TMPRSS15: variants seen among roughly 807,000 people sequenced by gnomAD.
TMPRSS15 encodes the protein enteropeptidase.
A neutral mutation model predicts 125.3 loss-of-function variants in TMPRSS15; 128 were observed. The ratio of observed to expected loss-of-function variants is 1.02; its 90% confidence interval spans 0.89 to 1.18. The LOEUF is 1.18. TMPRSS15 is among the 50% of genes most tolerant of loss of function. TMPRSS15 has a pLI of 0.00. For missense variants in TMPRSS15, 1,283 were observed against 1,212.7 expected (o/e 1.06, Z -0.86); for synonymous variants, 446 against 423.2 (o/e 1.05, Z -0.66).
At chr21:18,382,434 C>G (rs2123052573) in intron 4 of TMPRSS15, among the ~76,000 whole-genome samples, 1 of 152,164 alleles carries the variant, frequency 6.6e-6, no homozygotes, top group Non-Finnish European at 1.5e-5. Context: ...CAACATGTTG[C>G]AGGAGACTCA....
At chr21:18,324,775 T>A (rs1178034666) in intron 16 of TMPRSS15, among the ~76,000 whole-genome samples, 2 of 152,156 alleles carry the variant, frequency 1.3e-5, no homozygotes, top group East Asian at 3.8e-4. Context: ...TGCTGTATCT[T>A]AAATGTGCTC....
At chr21:18,293,895 C>G (rs1159068963) in intron 21 of TMPRSS15, among the ~76,000 whole-genome samples, 2 of 152,170 alleles carry the variant, frequency 1.3e-5, no homozygotes, top group African/African-American at 4.8e-5. Context: ...AATTTGCTAG[C>G]AATAAATATT....
At chr21:18,440,369 T>A (rs1320175870) in intron 1 of TMPRSS15, among the ~76,000 whole-genome samples, 3 of 7,348 alleles carry the variant, frequency 4.1e-4, no homozygotes, top group Middle Eastern at 0.083. Context: ...CGAAACTCCG[T>A]CTCAAAAAAA....
At chr21:18,344,626 A>C (rs1054395629) in intron 10 of TMPRSS15, among the ~76,000 whole-genome samples, 2 of 152,226 alleles carry the variant, frequency 1.3e-5, no homozygotes, top group Non-Finnish European at 2.9e-5. Context: ...AGCAGAAAGC[A>C]TGCTAATCCG....
intron 1 of TMPRSS15, among the ~76,000 whole-genome samples, chr21:18,451,424 A>C (rs1203507784): frequency 6.6e-6 from 1 of 152,126 alleles, no homozygotes; most frequent in Middle Eastern, 3.2e-3. Context: ...AAAACCAGTC[A>C]CGATTTTGTG....
At chr21:18,382,639 A>G (rs1294167637) in intron 4 of TMPRSS15, among the ~76,000 whole-genome samples, 2 of 152,224 alleles carry the variant, frequency 1.3e-5, no homozygotes, top group Non-Finnish European at 2.9e-5. Context: ...TAGTTAGGCT[A>G]TTTAGAGTTT....
chr21:18,372,098 ATGTGTGTGTGTGTGTGTG>A (rs56932398), intron 6 of TMPRSS15, 77 bp downstream of exon 6: 22 of 538,692 alleles, frequency 4.1e-5, no homozygotes, highest in East Asian at 8.0e-5. Flanking sequence ...TGAGATTAGA[ATGTGTGTGTGTGTGTGTG>A]TGTGTGTGTG....
In TMPRSS15 at chr21:18,278,965, T is replaced by C. The variant is rs752912437; in HGVS notation, c.2763A>G (p.Gln921=). ...SIAGWGTVVY[Q]GTTANILQEA... ...TTTTTTTTGAGTCTGATAATTTACC[T>C]TGATATACAACCGTCCCCCAACCAG... Residue 921 remains glutamine, a splice_region_variant and synonymous_variant, in exon 23 of 25, where the codon CAA becomes CAG. Transcript: ENST00000284885. The C allele has an allele frequency of 4.4e-6, 5 of 1,141,752 alleles. No homozygotes were observed. The highest frequency in any genetic ancestry group is 4.0e-5 in the South Asian group (3 of 75,916). 70.7% of individuals were successfully genotyped at this position (1,141,752 alleles called of 1,614,324 possible). A position where few individuals can be genotyped will look rare whatever the true frequency, so the allele number is the denominator to read the frequency against.
At chr21:18,417,905 A>G (rs1001149616) in intron 1 of TMPRSS15, among the ~76,000 whole-genome samples, 1 of 152,178 alleles carries the variant, frequency 6.6e-6, no homozygotes, top group African/African-American at 2.4e-5. Flanking sequence ...ACATATATTC[A>G]CACACATACA....
Position 18,372,294 on chromosome 21 carries a change from G to A in TMPRSS15, c.563C>T (p.Ser188Leu). The change falls in exon 6 of 25, where the codon TCA becomes TTA. Residue 188 changes from serine to leucine, a missense_variant. Physicochemically the swap from Ser to Leu is moderately radical, Grantham distance 145 (BLOSUM62 -2). Transcript: ENST00000284885. ...GNVSIECLPG[S>L]SPCTDALTCI... ...CGTTAGAGCATCAGTACAAGGACTT[G>A]AACCAGGCAGGCACTCTATTGAGAC... 1 of 1,613,286 alleles carries A rather than the reference G, an allele frequency of 6.2e-7. No individual in the cohort carries two copies. Among genetic ancestry groups the A allele is most frequent in the Non-Finnish European group, 8.5e-7 (1 of 1,179,482 alleles).
At chr21:18,434,045 T>C (rs1290425853) in intron 1 of TMPRSS15, among the ~76,000 whole-genome samples, 1 of 152,202 alleles carries the variant, frequency 6.6e-6, no homozygotes, top group Admixed American at 6.6e-5. Flanking sequence ...GTTATACTAC[T>C]GCTCTGCGGT....
intron 1 of TMPRSS15, among the ~76,000 whole-genome samples, chr21:18,437,731 A>G (rs1338842578): frequency 1.3e-5 from 2 of 152,246 alleles, no homozygotes; most frequent in Non-Finnish European, 2.9e-5. Flanking sequence ...AAAAATGCTC[A>G]TCATCACTGG....
chr21:18,376,702 C>T (rs1470978366), intron 5 of TMPRSS15, among the ~76,000 whole-genome samples: 1 of 152,112 alleles, frequency 6.6e-6, no homozygotes, highest in Non-Finnish European at 1.5e-5. Flanking sequence ...CCAAAACACC[C>T]CCTCTAGGCA....
intron 19 of TMPRSS15, 24 bp from the exon 20 acceptor site, chr21:18,294,676 T>A: frequency 1.2e-6 from 2 of 1,600,476 alleles, no homozygotes; most frequent in Non-Finnish European, 1.7e-6. Flanking sequence ...ACAATCATAT[T>A]TTTAAAATTA....
intron 18 of TMPRSS15, among the ~76,000 whole-genome samples, chr21:18,308,598 CTTT>C (rs33940921): frequency 6.8e-4 from 101 of 148,612 alleles, no homozygotes; most frequent in Non-Finnish European, 7.3e-4. Context: ...TACACTGAGA[CTTT>C]TTTTTTTTTT....
chr21:18,339,579 C>T (rs1407180998), intron 13 of TMPRSS15, among the ~76,000 whole-genome samples: 1 of 152,076 alleles, frequency 6.6e-6, no homozygotes, highest in Non-Finnish European at 1.5e-5. Flanking sequence ...AAAAGTACTG[C>T]GTTTGTGGGA....
At chr21:18,483,783 A>C (rs1979029214) in intron 1 of TMPRSS15, among the ~76,000 whole-genome samples, 1 of 151,936 alleles carries the variant, frequency 6.6e-6, no homozygotes, top group Non-Finnish European at 1.5e-5. Context: ...TGCACAAATC[A>C]TCATGCATAT....
intron 5 of TMPRSS15, among the ~76,000 whole-genome samples, chr21:18,378,836 C>A (rs2075866672): frequency 6.6e-6 from 1 of 151,980 alleles, no homozygotes. Flanking sequence ...AAAAAAATTC[C>A]TGAATGAATG....
At chr21:18,347,224 C>T (rs960451276) in intron 10 of TMPRSS15, among the ~76,000 whole-genome samples, 6 of 151,888 alleles carry the variant, frequency 4.0e-5, no homozygotes, top group African/African-American at 1.5e-4. Context: ...TGTCATTCGG[C>T]ATATTCTGTC....
Sources: allele counts gnomAD v4.1 joint callset (sites outside exome capture counted in the v4.1 genomes callset), GRCh38; gene constraint gnomAD v4.1.1; transcripts MANE v1.5; gene names NCBI Gene and HGNC (gene_info 2026-07-23, HGNC 2026-07-21).